DEPDC7: variants seen among roughly 807,000 people sequenced by gnomAD.
DEPDC7 encodes the protein DEP domain containing 7.
DEPDC7 carries 41 observed loss-of-function variants against 56.6 expected under a neutral mutation model. That is an observed-to-expected ratio of 0.72 (90% CI 0.56 to 0.94). DEPDC7 has a LOEUF of 0.94. DEPDC7 is among the 40% of genes least tolerant of loss of function. DEPDC7 has a pLI of 0.00. For missense variants in DEPDC7, 522 were observed against 596.3 expected (o/e 0.88, Z 1.30); for synonymous variants, 185 against 208.8 (o/e 0.89, Z 0.98).
chr11:33,026,794 T>TTTTCTTTTC (rs1853583562), intron 2 of DEPDC7: 1 of 113,238 alleles, frequency 8.8e-6, no homozygotes, highest in Non-Finnish European at 2.2e-5. Flanking sequence ...TTTTCTTTTC[T>TTTTCTTTTC]TTTTTTTCCT....
At chr11:33,019,066 A>G (rs1853496089) in intron 1 of DEPDC7, among the ~76,000 whole-genome samples, 1 of 152,188 alleles carries the variant, frequency 6.6e-6, no homozygotes, top group Non-Finnish European at 1.5e-5. Flanking sequence ...GGTCCCTGGG[A>G]CTGCAGAGTC....
chr11:33,031,615 G>A (rs1853634385), intron 5 of DEPDC7, 26 bp downstream of exon 5: 4 of 1,565,870 alleles, frequency 2.6e-6, no homozygotes, highest in Non-Finnish European at 3.5e-6. Flanking sequence ...CTGGATACTA[G>A]CATTTATCTT....
intron 1 of DEPDC7, among the ~76,000 whole-genome samples, chr11:33,022,653 A>G (rs1417514736): frequency 2.0e-5 from 3 of 152,214 alleles, no homozygotes; most frequent in Admixed American, 6.5e-5. Context: ...AGTTAAGAAT[A>G]TTAGTCGCTA....
At position 33,026,038 on chromosome 11, in the gene DEPDC7, T is replaced by C; in HGVS notation, c.453T>C (p.Tyr151=). The C allele has an allele frequency of 6.2e-7, 1 of 1,613,956 alleles. No homozygotes were observed. Among genetic ancestry groups the C allele is most frequent in the East Asian group, 2.2e-5 (1 of 44,874 alleles). Residue 151 remains tyrosine (Y), a synonymous_variant, in exon 2 of 9, where the codon TAT becomes TAC. Transcript: ENST00000241051. ...DSQLGKENKL[Y]SPARYADALF... is the part of the protein sequence containing the mutation. ...AGTTAGGCAAAGAGAACAAACTATA[T>C]TCACCTGCCAGGTTGGTATATAATG...
intron 4 of DEPDC7, among the ~76,000 whole-genome samples, chr11:33,029,252 C>T (rs564068990): frequency 7.2e-4 from 109 of 151,710 alleles, no homozygotes; most frequent in Non-Finnish European, 1.3e-3. Flanking sequence ...AATCCTAGCA[C>T]TTTGGGAGGC....
chr11:33,032,874 C>T lies in DEPDC7; in HGVS notation c.1264-15C>T, dbSNP rs1424081911. ...TGCATTTGAATAATGTCCCATGTCC[C>T]TTCTTTTTCTTAAGATTCCTGGAAC... is the stretch of plus-strand genomic sequence containing the variant. On this transcript the variant is annotated splice_polypyrimidine_tract_variant and intron_variant, in intron 7 of 8. Transcript: ENST00000241051. The T allele has an allele frequency of 1.3e-6, 2 of 1,595,058 alleles. No individual in the cohort carries two copies. The highest frequency in any genetic ancestry group is 1.3e-5 in the African/African-American group (1 of 74,122).
intron 4 of DEPDC7, among the ~76,000 whole-genome samples, chr11:33,030,974 C>T (rs902634676): frequency 2.0e-5 from 3 of 152,304 alleles, no homozygotes; most frequent in Admixed American, 1.3e-4. Flanking sequence ...CTGAAGTAAG[C>T]AACATTGTGT....
intron 2 of DEPDC7, 184 bp downstream of exon 2, chr11:33,026,233 T>A (rs1853577152): frequency 1.4e-5 from 9 of 636,470 alleles, no homozygotes; most frequent in Non-Finnish European, 2.4e-5. Flanking sequence ...CCTAGTCATA[T>A]TTTATATTTA....
At chr11:33,029,131 G>T (rs1373174699) in intron 4 of DEPDC7, among the ~76,000 whole-genome samples, 2 of 151,130 alleles carry the variant, frequency 1.3e-5, no homozygotes, top group Non-Finnish European at 2.9e-5. Flanking sequence ...AGATTTGACA[G>T]ATTATTGAGA....
Position 33,015,948 on chromosome 11 carries a change from C to T in DEPDC7, c.-8C>T, listed in dbSNP as rs771361954. The stretch of plus-strand genomic sequence containing the variant: ...GCTGGAGGAGTTGGCGTCCGGGGAG[C>T]AAGGGCCATGGCCACCGTGCAGGAG... On this transcript the variant is annotated 5_prime_UTR_variant, in exon 1 of 9. Coordinates refer to ENST00000241051, the MANE Select transcript of DEPDC7 (RefSeq NM_001077242.2). 1.9e-6 allele frequency: 3 copies of T among 1,572,498 alleles called. No homozygotes were observed. The highest frequency in any genetic ancestry group is 2.7e-5 in the African/African-American group (2 of 73,156).
intron 4 of DEPDC7, among the ~76,000 whole-genome samples, chr11:33,029,418 G>C (rs569515927): frequency 6.7e-6 from 1 of 149,988 alleles, no homozygotes; most frequent in East Asian, 2.0e-4. Context: ...CTTGAACTTG[G>C]GAGGCAGAGG....
intron 1 of DEPDC7, among the ~76,000 whole-genome samples, chr11:33,025,154 T>C (rs1590208078): frequency 1.3e-5 from 2 of 152,128 alleles, no homozygotes; most frequent in East Asian, 3.9e-4. Context: ...CCCACACCAC[T>C]CTGGCTGTGC....
intron 1 of DEPDC7, 139 bp downstream of exon 1, chr11:33,016,167 T>G: frequency 3.2e-6 from 4 of 1,260,866 alleles, no homozygotes; most frequent in Non-Finnish European, 4.0e-6. Flanking sequence ...ACAGCACAGC[T>G]GCGACCACTT....
intron 3 of DEPDC7, 116 bp from the exon 4 acceptor site, chr11:33,028,487 T>C: frequency 2.5e-6 from 2 of 787,232 alleles, no homozygotes; most frequent in East Asian, 2.8e-5. Flanking sequence ...TAAGGTTGAC[T>C]TTTTCTTTCT....
In DEPDC7 at chr11:33,018,087, A is replaced by G. The variant is rs148446652; in HGVS notation, c.73+2059A>G. 3.3e-5 allele frequency among the ~76,000 whole-genome samples: 5 copies of G among 152,292 alleles called. No individual in the cohort carries two copies. The East Asian group carries it at 9.7e-4, about 29-fold the overall frequency. Reference sequence around the variant, plus strand: ...TCTTGTTGGTAGACTTCTTTTACCTACCTGCAGCCTTCTTTTCAGAGGCAA... The same window carrying G: ...TCTTGTTGGTAGACTTCTTTTACCTGCCTGCAGCCTTCTTTTCAGAGGCAA... On this transcript the variant is annotated intron_variant, in intron 1 of 8. Transcript: ENST00000241051.
intron 2 of DEPDC7, chr11:33,026,364 C>T (rs894753189): frequency 3.2e-5 from 10 of 311,148 alleles, no homozygotes; most frequent in South Asian, 8.2e-5. Flanking sequence ...ACCCAGATTG[C>T]GGTGGGAGAG....
chr11:33,032,942 C>A lies in DEPDC7; in HGVS notation c.1317C>A (p.Asn439Lys). ...GTGTTAAGCTTATGGCCATACAGAA[C>A]GGAAGAGATCCAAATAGAGATGCAG... ...IVSVKLMAIQNGRDPNRDAGY... is the reference protein window; with the variant it reads ...IVSVKLMAIQKGRDPNRDAGY... Residue 439 changes from asparagine to lysine, a missense_variant, in exon 8 of 9, where the codon AAC (asparagine) becomes AAA (lysine). Physicochemically the swap from Asn to Lys is moderately conservative, Grantham distance 94 (BLOSUM62 0). Transcript: ENST00000241051. The A allele has an allele frequency of 6.3e-7, 1 of 1,597,926 alleles. No individual in the cohort carries two copies. The highest frequency in any genetic ancestry group is 1.3e-5 in the African/African-American group (1 of 74,336).
chr11:33,031,251 C>T (rs1853629756), intron 4 of DEPDC7, 127 bp from the exon 5 acceptor site: 2 of 662,054 alleles, frequency 3.0e-6, no homozygotes, highest in Non-Finnish European at 5.3e-6. Context: ...CTTTTAAGCT[C>T]ATGTAGAAAT....
At chr11:33,028,093 G>T (rs935188114) in intron 3 of DEPDC7, 1 of 262,798 alleles carries the variant, frequency 3.8e-6, no homozygotes, top group African/African-American at 2.2e-5. Flanking sequence ...TATGCTCTCC[G>T]ATGTTTCTTT....
Sources: gnomAD v4.1 joint callset for allele counts (sites outside exome capture counted in the v4.1 genomes callset) on GRCh38, gnomAD v4.1.1 for gene constraint, MANE v1.5 for transcripts, NCBI Gene and HGNC (gene_info 2026-07-23, HGNC 2026-07-21) for gene names.